The following CADPS2 variants were observed in gnomAD, a reference collection of about 807,000 sequenced individuals.
The protein encoded by CADPS2 is calcium dependent secretion activator 2.
Under a neutral mutation model 172.5 loss-of-function variants are expected in CADPS2, and 93 were observed. The observed-to-expected ratio is 0.54, with a 90% CI of 0.46 to 0.64. The LOEUF is 0.64. Among genes scored for constraint, CADPS2 ranks in the 30% least tolerant of loss-of-function variants. The probability of loss-of-function intolerance (pLI) is 0.00; values close to 1 mark genes in which losing one functional copy is unlikely to be tolerated. For missense variants in CADPS2, 1,420 were observed against 1,565.9 expected, an observed-to-expected ratio of 0.91 and a Z score of 1.57; for synonymous variants, 546 against 555.2, an observed-to-expected ratio of 0.98 and a Z score of 0.23.
intron 3 of CADPS2, among the ~76,000 whole-genome samples, chr7:122,649,898 A>ATTTTTTTT (rs71531909): frequency 0.028 from 1,478 of 51,958 alleles, 394 homozygotes; most frequent in South Asian, 0.068. Context: ...GTATTCAATG[A>ATTTTTTTT]TTTTTTTTTT....
At chr7:122,559,811 A>C (rs904740606) in intron 7 of CADPS2, among the ~76,000 whole-genome samples, 2 of 151,484 alleles carry the variant, frequency 1.3e-5, no homozygotes, top group African/African-American at 4.8e-5. Flanking sequence ...AAAAGAGAGA[A>C]GATAACCCGA....
chr7:122,426,144 T>C (rs1215603471), intron 17 of CADPS2: 1 of 152,182 alleles, frequency 6.6e-6, no homozygotes, highest in Non-Finnish European at 1.5e-5. Flanking sequence ...CAATATGAAA[T>C]ATAACATTTG....
chr7:122,331,251 G>GT (rs1244599644), intron 28 of CADPS2: 1 of 152,030 alleles, frequency 6.6e-6, no homozygotes, highest in African/African-American at 2.4e-5. Flanking sequence ...ATAAAGAACT[G>GT]TGAATTACAG....
intron 3 of CADPS2, among the ~76,000 whole-genome samples, chr7:122,636,471 T>G (rs1243493361): frequency 1.1e-4 from 16 of 147,056 alleles, no homozygotes; most frequent in African/African-American, 3.8e-4. Flanking sequence ...TGTTTTTTTT[T>G]TTTTTTTTTT....
At chr7:122,806,442 C>A (rs1798816620) in intron 1 of CADPS2, among the ~76,000 whole-genome samples, 2 of 152,154 alleles carry the variant, frequency 1.3e-5, no homozygotes, top group South Asian at 2.1e-4. Flanking sequence ...AATTAATTAT[C>A]TCTTTAGTTA....
At chr7:122,731,242 A>T (rs954140768) in intron 2 of CADPS2, among the ~76,000 whole-genome samples, 7 of 149,818 alleles carry the variant, frequency 4.7e-5, no homozygotes, top group African/African-American at 7.3e-5. Flanking sequence ...CAAGTCACAA[A>T]TTTTTTTTTT....
At chr7:122,835,974 T>C (rs998587841) in intron 1 of CADPS2, among the ~76,000 whole-genome samples, 18 of 151,986 alleles carry the variant, frequency 1.2e-4, no homozygotes, top group Non-Finnish European at 2.4e-4. Context: ...AGACACATAA[T>C]TGTCAGATTC....
At chr7:122,857,508 T>C (rs776663633) in intron 1 of CADPS2, among the ~76,000 whole-genome samples, 4 of 152,186 alleles carry the variant, frequency 2.6e-5, no homozygotes, top group Non-Finnish European at 5.9e-5. Flanking sequence ...ATGCAGCACC[T>C]AAGGGCAGGG....
intron 1 of CADPS2, among the ~76,000 whole-genome samples, chr7:122,823,607 C>A (rs573015600): frequency 6.6e-6 from 1 of 152,248 alleles, no homozygotes; most frequent in African/African-American, 2.4e-5. Flanking sequence ...TAAAGCTGAT[C>A]TTGCCTGTCC....
chr7:122,517,620 G>C (rs191866512), intron 8 of CADPS2, among the ~76,000 whole-genome samples: 24 of 152,066 alleles, frequency 1.6e-4, no homozygotes, highest in Non-Finnish European at 3.4e-4. Flanking sequence ...TGTATTTCTG[G>C]TACAACCAAG....
chr7:122,481,151 C>A (rs958608136), intron 11 of CADPS2, among the ~76,000 whole-genome samples: 2 of 136,880 alleles, frequency 1.5e-5, no homozygotes, highest in African/African-American at 5.4e-5. Context: ...AGAACATTTT[C>A]TTTCTTCATT....
At chr7:122,857,650 C>T (rs1024137397) in intron 1 of CADPS2, among the ~76,000 whole-genome samples, 1 of 152,194 alleles carries the variant, frequency 6.6e-6, no homozygotes, top group Non-Finnish European at 1.5e-5. Flanking sequence ...CCAAACAATT[C>T]TAAATAGCTC....
intron 28 of CADPS2, among the ~76,000 whole-genome samples, chr7:122,340,786 A>G (rs868735100): frequency 2.6e-5 from 4 of 151,300 alleles, no homozygotes; most frequent in African/African-American, 4.9e-5. Flanking sequence ...TTATATTGGG[A>G]TCAGGTTGAA....
intron 24 of CADPS2, among the ~76,000 whole-genome samples, chr7:122,380,279 A>G (rs747553150): frequency 9.2e-5 from 14 of 152,060 alleles, no homozygotes; most frequent in Non-Finnish European, 1.8e-4. Context: ...TTATCTGACA[A>G]CTGATTGTCC....
chr7:122,807,318 T>A (rs1197041349), intron 1 of CADPS2, among the ~76,000 whole-genome samples: 4 of 152,132 alleles, frequency 2.6e-5, no homozygotes, highest in East Asian at 1.9e-4. Context: ...CCTGAATCCC[T>A]CCATGTGTCC....
intron 27 of CADPS2, among the ~76,000 whole-genome samples, chr7:122,349,185 CA>C (rs2038157197): frequency 6.6e-6 from 1 of 151,806 alleles, no homozygotes; most frequent in South Asian, 2.1e-4. Context: ...CCAATTATAT[CA>C]AAAAAGTGGC....
Position 122,557,323 on chromosome 7 carries a change from C to A in CADPS2, c.1336-2634G>T, listed in dbSNP as rs561612358. Among the ~76,000 whole-genome samples the A allele has an allele frequency of 2.0e-5, 3 of 152,286 alleles. No homozygotes were observed. The East Asian group carries it at 5.8e-4, about 29-fold the overall frequency. On this transcript the variant is annotated intron_variant, in intron 7 of 29. Coordinates refer to ENST00000449022, the MANE Select transcript of CADPS2 (RefSeq NM_017954.11). The stretch of plus-strand genomic sequence containing the variant: ...ATGGAGAATAAAGGACAAGGGAGTT[C>A]TTTTCAGAACACACAATACAGCTCT...
At chr7:122,660,958 C>T (rs2080464077) in intron 3 of CADPS2, among the ~76,000 whole-genome samples, 1 of 152,016 alleles carries the variant, frequency 6.6e-6, no homozygotes, top group Admixed American at 6.6e-5. Context: ...GTCTACAAAA[C>T]ATCCACTTTA....
chr7:122,345,422 G>A (rs1009142696), intron 28 of CADPS2, among the ~76,000 whole-genome samples, 152 bp downstream of exon 28: 1 of 152,178 alleles, frequency 6.6e-6, no homozygotes, highest in African/African-American at 2.4e-5. Flanking sequence ...ACAGGCATGA[G>A]CCACTATGCC....
Sources: allele counts gnomAD v4.1 joint callset (sites outside exome capture counted in the v4.1 genomes callset), GRCh38; gene constraint gnomAD v4.1.1; transcripts MANE v1.5; gene names NCBI Gene and HGNC (gene_info 2026-07-23, HGNC 2026-07-21).